GLT8D2: variants seen among roughly 807,000 people sequenced by gnomAD.
GLT8D2 encodes glycosyltransferase 8 domain-containing protein 2.
GLT8D2 carries 45 observed loss-of-function variants against 44.5 expected under a neutral mutation model. That is an observed-to-expected ratio of 1.01 (90% CI 0.80 to 1.30). The LOEUF (loss-of-function observed/expected upper bound fraction) is 1.30, where lower values mean the gene tolerates loss of function less well. Ranked by LOEUF, GLT8D2 falls within the 50% of genes most tolerant of loss-of-function variation. The probability of loss-of-function intolerance (pLI) is 0.00; values close to 1 mark genes in which losing one functional copy is unlikely to be tolerated. For synonymous variants in GLT8D2, 156 were observed against 157.2 expected (o/e 0.99, Z 0.06); for missense variants, 400 against 430.4 (o/e 0.93, Z 0.62).
chr12:104,060,191 C>T lies in GLT8D2; in HGVS notation c.-423+3758G>A, dbSNP rs535133539. Among the ~76,000 whole-genome samples the T allele has an allele frequency of 7.9e-5, 12 of 152,266 alleles. No individual in the cohort carries two copies. In the South Asian group the frequency reaches 2.5e-3, roughly 32 times the overall value. On this transcript the variant is annotated intron_variant, in intron 1 of 10. Transcript: ENST00000548660. Reference sequence around the variant, plus strand: ...TCTTTGACATCACCCTCACCCAGTTCCCTTTTAACTTCTCTGGCTACCTAT... The same window carrying T: ...TCTTTGACATCACCCTCACCCAGTTTCCTTTTAACTTCTCTGGCTACCTAT...
At chr12:104,026,054 G>A (rs1878528220) in intron 1 of GLT8D2, among the ~76,000 whole-genome samples, 1 of 152,004 alleles carries the variant, frequency 6.6e-6, no homozygotes. Flanking sequence ...TGAGGCTGGC[G>A]GATCACTTCA....
At position 104,025,676 on chromosome 12, in the gene GLT8D2, CTT is replaced by C. The variant is rs1359385143; in HGVS notation, c.-163-4187_-163-4186del. On this transcript the variant is annotated intron_variant, in intron 1 of 10. Coordinates refer to ENST00000360814, the MANE Select transcript of GLT8D2 (RefSeq NM_001384711.1). ...TATATATCATGAAATGTAGATTAAA[CTT>C]AATCTTTTAGCATATGGTTATCCAG... Among the ~76,000 whole-genome samples, 5 of 152,140 alleles carry C rather than the reference CTT, an allele frequency of 3.3e-5. No homozygotes were observed. In the South Asian group the frequency reaches 6.2e-4, roughly 19 times the overall value.
At chr12:104,032,251 G>A (rs1879348742) in intron 1 of GLT8D2, among the ~76,000 whole-genome samples, 1 of 150,984 alleles carries the variant, frequency 6.6e-6, no homozygotes, top group Admixed American at 6.6e-5. Context: ...ACCTCTGAGG[G>A]GCAGGAGTGC....
chr12:104,047,461 C>T (rs548860835), intron 1 of GLT8D2, among the ~76,000 whole-genome samples: 30 of 152,026 alleles, frequency 2.0e-4, no homozygotes, highest in East Asian at 3.9e-4. Context: ...TGCACCACCA[C>T]GCCTGGCTAA....
chr12:104,010,581 G>C (rs1213826011), intron 4 of GLT8D2, among the ~76,000 whole-genome samples: 1 of 152,096 alleles, frequency 6.6e-6, no homozygotes, highest in African/African-American at 2.4e-5. Context: ...TGTGAGGGCA[G>C]GTATTTTGTT....
intron 1 of GLT8D2, among the ~76,000 whole-genome samples, chr12:104,026,643 G>A (rs1878612158): frequency 6.6e-6 from 1 of 152,132 alleles, no homozygotes; most frequent in African/African-American, 2.4e-5. Context: ...ATTAGATAAG[G>A]ATTTTAGATG....
chr12:104,057,064 G>A (rs947113378), intron 1 of GLT8D2, among the ~76,000 whole-genome samples: 2 of 152,204 alleles, frequency 1.3e-5, no homozygotes, highest in African/African-American at 4.8e-5. Flanking sequence ...CATTGCCACT[G>A]TTCAACTCCA....
intron 4 of GLT8D2, among the ~76,000 whole-genome samples, chr12:104,009,317 C>A (rs868357887): frequency 1.3e-4 from 20 of 152,354 alleles, no homozygotes; most frequent in Middle Eastern, 6.8e-3. Flanking sequence ...CAAAGGAGAT[C>A]ATTTTGGAGC....
intron 1 of GLT8D2, among the ~76,000 whole-genome samples, chr12:104,042,972 C>A (rs1302380333): frequency 6.6e-6 from 1 of 152,202 alleles, no homozygotes; most frequent in African/African-American, 2.4e-5. Context: ...CATCTTCTGG[C>A]TAACAAGGTC....
At chr12:104,019,118 C>CTTTTTTTTT (rs11291563) in intron 3 of GLT8D2, among the ~76,000 whole-genome samples, 26 of 116,432 alleles carry the variant, frequency 2.2e-4, no homozygotes, top group East Asian at 5.5e-4. Flanking sequence ...ACTTCTTCTT[C>CTTTTTTTTT]TTTTTTTTTT....
At position 104,016,683 on chromosome 12, in the gene GLT8D2, AAAAGAAAGAAAGAAAGAAAGGGAGAGAG is replaced by A. The variant is rs1234754874; in HGVS notation, c.20-1606_20-1579del. Among the ~76,000 whole-genome samples, 356 of 110,622 alleles carry A rather than the reference AAAAGAAAGAAAGAAAGAAAGGGAGAGAG, an allele frequency of 3.2e-3. 5 individuals carry two copies. Among genetic ancestry groups the A allele is most frequent in the Non-Finnish European group, 5.1e-3 (271 of 53,566 alleles). 72.6% of individuals were successfully genotyped at this position (110,622 alleles called of 152,430 possible). Reference sequence around the variant, plus strand: ...GAAAGAAAGAGAGAGAGAGAGAAAGAAAAGAAAGAAAGAAAGAAAGGGAGAGAGAAAGAAAGAAAGAAAGAAAGAAAGA... The same window carrying A: ...GAAAGAAAGAGAGAGAGAGAGAAAGAAAAGAAAGAAAGAAAGAAAGAAAGA... On this transcript the variant is annotated intron_variant, in intron 3 of 10. Coordinates refer to ENST00000360814, the MANE Select transcript of GLT8D2 (RefSeq NM_001384711.1).
chr12:104,045,867 G>A (rs1219049903), intron 1 of GLT8D2, among the ~76,000 whole-genome samples: 1 of 117,214 alleles, frequency 8.5e-6, no homozygotes, highest in African/African-American at 3.4e-5. Flanking sequence ...ACTAGATTCA[G>A]TTAAAAAAGA....
rs968198780 is a variant in GLT8D2 at position 103,994,492 on chromosome 12, T to C, written c.610A>G (p.Met204Val). The part of the protein sequence containing the change: ...NRLVGLQNTY[M>V]GYLDYRKKAI... ...TTCTTCCGGTAGTCCAGATAGCCCA[T>C]ATATGTGTTCTGTAAGGGAACAGGA... is the stretch of plus-strand genomic sequence containing the variant. The change falls in exon 9 of 11, where the codon ATG becomes GTG. Residue 204 changes from methionine (M) to valine (V), a missense_variant. Transcript: ENST00000360814. 1.6e-5 allele frequency: 26 copies of C among 1,611,538 alleles called. No individual in the cohort carries two copies. Among genetic ancestry groups the C allele is most frequent in the Middle Eastern group, 1.7e-4 (1 of 6,042 alleles).
chr12:104,034,671 C>T (rs184850640), intron 1 of GLT8D2, among the ~76,000 whole-genome samples: 58 of 152,340 alleles, frequency 3.8e-4, no homozygotes, highest in Non-Finnish European at 2.6e-4. Flanking sequence ...ACCACAGCTC[C>T]GCAAAGCCAG....
At chr12:104,038,109 A>C (rs894121795) in intron 1 of GLT8D2, among the ~76,000 whole-genome samples, 7 of 152,242 alleles carry the variant, frequency 4.6e-5, no homozygotes, top group African/African-American at 1.4e-4. Context: ...TCATGCTAAA[A>C]ACTCTCAATA....
chr12:104,030,410 A>C (rs1313254514), intron 1 of GLT8D2, among the ~76,000 whole-genome samples: 4 of 152,118 alleles, frequency 2.6e-5, no homozygotes, highest in African/African-American at 9.6e-5. Context: ...TAACATAATT[A>C]AATGTGTAAG....
At chr12:104,044,201 G>C (rs555536929) in intron 1 of GLT8D2, among the ~76,000 whole-genome samples, 66 of 152,252 alleles carry the variant, frequency 4.3e-4, no homozygotes, top group African/African-American at 1.6e-3. Flanking sequence ...CCTCTTCCCA[G>C]ATATCTACAT....
At position 104,013,363 on chromosome 12, in the gene GLT8D2, T is replaced by C. The variant is rs75196481; in HGVS notation, c.112+1650A>G. On this transcript the variant is annotated intron_variant, in intron 4 of 10. Transcript: ENST00000360814. ...TAGTTTTTTTTCAGGTTCATCCATATTGCAGCTTGTATCAGTCATTTGTTC... is the reference window on the plus strand; with the variant it reads ...TAGTTTTTTTTCAGGTTCATCCATACTGCAGCTTGTATCAGTCATTTGTTC... 0.019 allele frequency among the ~76,000 whole-genome samples: 2,927 copies of C among 152,308 alleles called. 248 individuals carry two copies. The East Asian group carries it at 0.29, about 15-fold the overall frequency.
intron 4 of GLT8D2, among the ~76,000 whole-genome samples, chr12:104,004,520 A>C (rs1379856758): frequency 6.6e-6 from 1 of 152,240 alleles, no homozygotes; most frequent in African/African-American, 2.4e-5. Flanking sequence ...CTGATAAGCA[A>C]CTTCAGCAAA....
Sources: gnomAD v4.1 joint callset for allele counts (sites outside exome capture counted in the v4.1 genomes callset) on GRCh38, gnomAD v4.1.1 for gene constraint, MANE v1.5 for transcripts, NCBI Gene and HGNC (gene_info 2026-07-23, HGNC 2026-07-21) for gene names.